Variants in POU2F1 observed in about 807,000 individuals in gnomAD.
POU2F1 encodes POU class 2 homeobox 1.
POU2F1 carries 16 observed loss-of-function variants against 84.9 expected under a neutral mutation model. That is an observed-to-expected ratio of 0.19 (90% CI 0.13 to 0.29). The LOEUF is 0.29. Ranked by LOEUF, POU2F1 falls within the 10% of genes least tolerant of loss-of-function variation. POU2F1 has a pLI of 1.00. For synonymous variants in POU2F1, 368 were observed against 368.3 expected (o/e 1.00, Z 0.01); for missense variants, 738 against 942.6 (o/e 0.78, Z 2.84).
intron 6 of POU2F1, 68 bp downstream of exon 6, chr1:167,374,364 A>T (rs1571394573): frequency 6.9e-7 from 1 of 1,441,360 alleles, no homozygotes; most frequent in East Asian, 2.4e-5. Context: ...ATTTAATGTT[A>T]GATTAACTTT....
At chr1:167,282,870 T>C (rs1653254667) in intron 1 of POU2F1, among the ~76,000 whole-genome samples, 1 of 152,218 alleles carries the variant, frequency 6.6e-6, no homozygotes, top group Non-Finnish European at 1.5e-5. Flanking sequence ...TTAGCTTCAC[T>C]CTGCTGATTA....
intron 2 of POU2F1, among the ~76,000 whole-genome samples, chr1:167,357,849 G>A (rs1659070397): frequency 6.9e-6 from 1 of 144,234 alleles, no homozygotes; most frequent in Admixed American, 6.9e-5. Context: ...CTGTCTTCAG[G>A]CTGGAGTGCA....
intron 1 of POU2F1, among the ~76,000 whole-genome samples, chr1:167,331,093 G>A (rs1488448673): frequency 2.6e-5 from 4 of 152,020 alleles, no homozygotes; most frequent in South Asian, 2.1e-4. Flanking sequence ...TGAGAAGAAG[G>A]AAGTTGTAGA....
In POU2F1 at chr1:167,282,212, G is replaced by A. The variant is rs960721689; in HGVS notation, c.62-50258G>A. On this transcript the variant is annotated intron_variant, in intron 1 of 15. Transcript: ENST00000367866. ...GGCTGGAATGCAGTGGCGCGATCCC[G>A]GCTCACTGCAAGCTCCACCTCCCCA... 5.3e-5 allele frequency among the ~76,000 whole-genome samples: 8 copies of A among 151,056 alleles called. No individual in the cohort carries two copies. In the South Asian group the frequency reaches 6.3e-4, roughly 12 times the overall value.
chr1:167,319,774 C>T lies in POU2F1; in HGVS notation c.62-12696C>T, dbSNP rs186929792. ...CGTGCACATAAGCTAGTCTCCCAAA[C>T]GAGGGAATATGGGTGGTGACATCCA... On this transcript the variant is annotated intron_variant, in intron 1 of 15. Coordinates refer to ENST00000367866, the MANE Select transcript of POU2F1 (RefSeq NM_002697.4). Among the ~76,000 whole-genome samples the T allele has an allele frequency of 9.9e-5, 15 of 152,024 alleles. 1 individual carries two copies. The East Asian group carries it at 2.0e-3, about 20-fold the overall frequency.
intron 13 of POU2F1, among the ~76,000 whole-genome samples, chr1:167,411,041 CTT>C (rs749882885): frequency 2.1e-5 from 3 of 144,134 alleles, no homozygotes; most frequent in African/African-American, 5.0e-5. Flanking sequence ...CAAATAATTT[CTT>C]TTTTTTTTTT....
chr1:167,375,941 G>A (rs1358199438), intron 6 of POU2F1, 88 bp from the exon 7 acceptor site: 4 of 1,443,074 alleles, frequency 2.8e-6, no homozygotes, highest in Non-Finnish European at 3.9e-6. Context: ...TTATTTGGAT[G>A]TGACAGAAGT....
intron 2 of POU2F1, among the ~76,000 whole-genome samples, chr1:167,350,762 G>A (rs1658502256): frequency 2.0e-5 from 3 of 152,090 alleles, no homozygotes; most frequent in African/African-American, 7.2e-5. Flanking sequence ...ACTTCAGGAG[G>A]CTGAGGCGGG....
rs932828493 is a variant in POU2F1, at chr1:167,278,352, C to A, written c.62-54118C>A. Among the ~76,000 whole-genome samples the A allele has an allele frequency of 2.0e-5, 3 of 152,214 alleles. No individual in the cohort carries two copies. The East Asian group carries it at 5.8e-4, about 29-fold the overall frequency. On this transcript the variant is annotated intron_variant, in intron 1 of 15. Coordinates refer to ENST00000367866, the MANE Select transcript of POU2F1 (RefSeq NM_002697.4). ...AATTTGTTATTATGTATCTCTGAGA[C>A]TGAAAACTCCCAAGAGGGATGGGAC... is the stretch of plus-strand genomic sequence containing the variant.
At chr1:167,266,140 ATTTAT>A (rs1181853386) in intron 1 of POU2F1, among the ~76,000 whole-genome samples, 5 of 152,174 alleles carry the variant, frequency 3.3e-5, no homozygotes, top group Non-Finnish European at 7.3e-5. Context: ...ATTTTTTTAA[ATTTAT>A]TTTAAGTTTC....
At chr1:167,341,389 A>G (rs1657836643) in intron 2 of POU2F1, among the ~76,000 whole-genome samples, 2 of 152,216 alleles carry the variant, frequency 1.3e-5, no homozygotes, top group Admixed American at 6.5e-5. Context: ...GTTGTAATGA[A>G]TTTACAGTCA....
At chr1:167,368,687 T>G (rs934214117) in intron 3 of POU2F1, among the ~76,000 whole-genome samples, 8 of 152,206 alleles carry the variant, frequency 5.3e-5, no homozygotes, top group African/African-American at 1.9e-4. Flanking sequence ...GTATTTTAAA[T>G]GTGTTCTACA....
At chr1:167,223,522 G>C (rs1648393902) in intron 1 of POU2F1, among the ~76,000 whole-genome samples, 1 of 151,976 alleles carries the variant, frequency 6.6e-6, no homozygotes, top group African/African-American at 2.4e-5. Context: ...TAGAGGAGTG[G>C]GGTTTAACAC....
chr1:167,273,617 T>C (rs2102475859), intron 1 of POU2F1, among the ~76,000 whole-genome samples: 1 of 152,352 alleles, frequency 6.6e-6, no homozygotes, highest in South Asian at 2.1e-4. Context: ...GGGCCCCTTT[T>C]AGCCACAAAG....
intron 1 of POU2F1, among the ~76,000 whole-genome samples, chr1:167,302,136 A>C (rs1654746073): frequency 6.6e-6 from 1 of 151,476 alleles, no homozygotes; most frequent in Non-Finnish European, 1.5e-5. Flanking sequence ...CAGTGGCACC[A>C]TCTCGGCTTA....
At chr1:167,397,791 C>A (rs946576399) in intron 10 of POU2F1, among the ~76,000 whole-genome samples, 1 of 152,064 alleles carries the variant, frequency 6.6e-6, no homozygotes, top group African/African-American at 2.4e-5. Context: ...GTGATCCTCC[C>A]GCCTCAGCCT....
At chr1:167,350,738 C>T (rs935959914) in intron 2 of POU2F1, among the ~76,000 whole-genome samples, 57 of 151,412 alleles carry the variant, frequency 3.8e-4, no homozygotes, top group Non-Finnish European at 6.8e-4. Context: ...GTGGCTCATG[C>T]CTATAATCCC....
chr1:167,300,170 C>G (rs1654580870), intron 1 of POU2F1, among the ~76,000 whole-genome samples: 1 of 152,108 alleles, frequency 6.6e-6, no homozygotes, highest in Non-Finnish European at 1.5e-5. Flanking sequence ...AAACAGAAAC[C>G]AAAATACCAC....
At chr1:167,276,614 C>T (rs977019442) in intron 1 of POU2F1, among the ~76,000 whole-genome samples, 1 of 152,108 alleles carries the variant, frequency 6.6e-6, no homozygotes, top group African/African-American at 2.4e-5. Flanking sequence ...ACCATTGACC[C>T]ACTCTTTGAG....
Sources: allele counts gnomAD v4.1 joint callset (sites outside exome capture counted in the v4.1 genomes callset), GRCh38; gene constraint gnomAD v4.1.1; transcripts MANE v1.5; gene names NCBI Gene and HGNC (gene_info 2026-07-23, HGNC 2026-07-21).